The following DHX8 variants were observed in gnomAD, a reference collection of about 807,000 sequenced individuals.
DHX8 encodes ATP-dependent RNA helicase DHX8.
In DHX8, 67 loss-of-function variants were observed where a neutral mutation model predicts 140.7. The ratio of observed to expected loss-of-function variants is 0.48; its 90% confidence interval spans 0.39 to 0.58. The LOEUF (loss-of-function observed/expected upper bound fraction) is 0.58, where lower values mean the gene tolerates loss of function less well. Ranked by LOEUF, DHX8 falls within the 20% of genes least tolerant of loss-of-function variation. The pLI, the probability that DHX8 is intolerant of heterozygous loss-of-function variation, is 0.00. For synonymous variants in DHX8, 533 were observed against 553.2 expected (o/e 0.96, Z 0.51); for missense variants, 887 against 1,550.7 (o/e 0.57, Z 7.19).
intron 21 of DHX8, among the ~76,000 whole-genome samples, 161 bp from the exon 22 acceptor site, chr17:43,521,886 C>T (rs1970389779): frequency 6.6e-6 from 1 of 152,204 alleles, no homozygotes; most frequent in Non-Finnish European, 1.5e-5. Flanking sequence ...GTGCCTCCGT[C>T]TGCCCACTGT....
Position 43,542,467 on chromosome 17 carries a change from C to A in DHX8, c.*21-1695C>A, listed in dbSNP as rs60991298. 2.4e-3 allele frequency among the ~76,000 whole-genome samples: 372 copies of A among 152,218 alleles called. 1 individual carries two copies. The highest frequency in any genetic ancestry group is 8.6e-3 in the African/African-American group (359 of 41,520). On this transcript the variant is annotated intron_variant, in intron 3 of 3. Coordinates refer to the DHX8 transcript ENST00000589898. ...AACCTTGGACAAAAAACCAGCATATCTTTTACCATAGCCAGACACATATTG... is the reference window on the plus strand; with the variant it reads ...AACCTTGGACAAAAAACCAGCATATATTTTACCATAGCCAGACACATATTG...
At chr17:43,496,629 G>C (rs1038191818) in intron 9 of DHX8, among the ~76,000 whole-genome samples, 42 of 151,902 alleles carry the variant, frequency 2.8e-4, no homozygotes, top group Non-Finnish European at 1.5e-4. Context: ...AAAATACAAA[G>C]ATTAGCTGGG....
chr17:43,500,650 A>G (rs1277409449), intron 11 of DHX8, among the ~76,000 whole-genome samples: 2 of 151,756 alleles, frequency 1.3e-5, no homozygotes, highest in African/African-American at 4.8e-5. Flanking sequence ...GCGGTGTCTC[A>G]TGCTGTAATC....
chr17:43,497,404 A>G (rs1034420840), intron 9 of DHX8, among the ~76,000 whole-genome samples: 1 of 152,050 alleles, frequency 6.6e-6, no homozygotes, highest in African/African-American at 2.4e-5. Flanking sequence ...TGAAATTGCT[A>G]TATTGTCTCT....
intron 16 of DHX8, among the ~76,000 whole-genome samples, chr17:43,510,033 TTTTGTTTGTTTG>T (rs72490644): frequency 2.6e-5 from 4 of 151,226 alleles, no homozygotes; most frequent in Admixed American, 6.6e-5. Flanking sequence ...ATTTACTGTT[TTTTGTTTGTTTG>T]TTTGTTTGTT....
chr17:43,506,978 C>A, intron 12 of DHX8, 25 bp from the exon 13 acceptor site: 1 of 1,512,850 alleles, frequency 6.6e-7, no homozygotes, highest in South Asian at 1.3e-5. Flanking sequence ...TTTTAATGAC[C>A]ATATTTATAT....
At chr17:43,488,825 G>A (rs887763766) in intron 1 of DHX8, among the ~76,000 whole-genome samples, 1 of 152,180 alleles carries the variant, frequency 6.6e-6, no homozygotes, top group African/African-American at 2.4e-5. Flanking sequence ...TGCCCAGGTA[G>A]TGGTTTTGTG....
intron 1 of DHX8, among the ~76,000 whole-genome samples, chr17:43,486,736 G>A (rs1268685898): frequency 6.6e-6 from 1 of 151,954 alleles, no homozygotes; most frequent in South Asian, 2.1e-4. Flanking sequence ...AAATTAGCAG[G>A]GCGTGGTGGT....
intron 2 of DHX8, chr17:43,533,214 G>A (rs772708492): frequency 6.2e-7 from 1 of 1,614,050 alleles, no homozygotes; most frequent in Admixed American, 1.7e-5. Context: ...CCCATGGCCA[G>A]GGTGGGGCTG....
At position 43,493,685 on chromosome 17, in the gene DHX8, T is replaced by G. The variant is rs150414727; in HGVS notation, c.1011T>G (p.Asp337Glu). Reference protein sequence around the residue: ...TGTKTSLSMKDVDQETGEDLN... With the variant: ...TGTKTSLSMKEVDQETGEDLN... ...GCTCCCTTGTTTTTGTGCCTTAGGA[T>G]GTGGATCAAGAGACTGGAGAAGATC... The change falls in exon 8 of 23, where the codon GAT becomes GAG. Residue 337 changes from aspartate (D) to glutamate (E), a missense_variant and splice_region_variant. This residue lies in a region of DHX8 where 98 missense variants were observed against 152.7 expected (regional missense o/e 0.64). Transcript: ENST00000262415. 2 of 1,614,048 alleles carry G rather than the reference T, an allele frequency of 1.2e-6. No individual in the cohort carries two copies. The highest frequency in any genetic ancestry group is 1.7e-6 in the Non-Finnish European group (2 of 1,180,040).
At chr17:43,540,816 CAG>C (rs2154587239) in intron 3 of DHX8, among the ~76,000 whole-genome samples, 1 of 152,274 alleles carries the variant, frequency 6.6e-6, no homozygotes, top group East Asian at 1.9e-4. Flanking sequence ...GTGATGGGAG[CAG>C]AGTGACCAAC....
chr17:43,538,200 C>T (rs1480427115), intron 3 of DHX8, among the ~76,000 whole-genome samples: 6 of 150,900 alleles, frequency 4.0e-5, no homozygotes, highest in Non-Finnish European at 8.8e-5. Context: ...CCAACTATTC[C>T]GGAGGCTGAG....
At chr17:43,484,833 G>A (rs919932621) in intron 1 of DHX8, among the ~76,000 whole-genome samples, 8 of 152,002 alleles carry the variant, frequency 5.3e-5, no homozygotes, top group Admixed American at 3.9e-4. Context: ...GTAGAGACGG[G>A]GGTCTCACTG....
rs750394542 is a variant in DHX8, at chr17:43,484,143, A to C, written c.106A>C (p.Thr36Pro). 1 of 1,614,170 alleles carries C rather than the reference A, an allele frequency of 6.2e-7. No homozygotes were observed. The highest frequency in any genetic ancestry group is 8.5e-7 in the Non-Finnish European group (1 of 1,180,016). ...EYLSLVSKVC[T>P]ELDNHLGIND... ...CCTGTCTTTGGTGTCAAAGGTTTGC[A>C]CTGAGCTGGACAATCACTTGGGGAT... The change falls in exon 1 of 23, where the codon ACT (threonine) becomes CCT (proline). Residue 36 changes from threonine (T) to proline (P), a missense_variant. This residue lies in a region of DHX8 where 8 missense variants were observed against 26.2 expected (regional missense o/e 0.31). Transcript: ENST00000262415.
chr17:43,524,148 G>A lies in DHX8; in HGVS notation c.*301G>A. 1 of 1,235,232 alleles carries A rather than the reference G, an allele frequency of 8.1e-7. No homozygotes were observed. The highest frequency in any genetic ancestry group is 4.7e-5 in the East Asian group (1 of 21,466). 76.5% of individuals were successfully genotyped at this position (1,235,232 alleles called of 1,614,324 possible). A position where few individuals can be genotyped will look rare whatever the true frequency, so the allele number is the denominator to read the frequency against. On this transcript the variant is annotated 3_prime_UTR_variant, in exon 23 of 23. Transcript: ENST00000262415. ...GGACAATTTGTGCAGCTCCAGGATG[G>A]GAAGGTGGAGTGGGTGAGCATCTTG...
At chr17:43,537,406 G>T (rs115696102) in intron 3 of DHX8, among the ~76,000 whole-genome samples, 2,385 of 151,852 alleles carry the variant, frequency 0.016, 64 homozygotes, top group African/African-American at 0.053. Context: ...AATCACATAG[G>T]GGGGTGGCTG....
Position 43,524,926 on chromosome 17 carries a change from C to T in DHX8, c.*1079C>T. On this transcript the variant is annotated 3_prime_UTR_variant, in exon 23 of 23. Coordinates refer to ENST00000262415, the MANE Select transcript of DHX8 (RefSeq NM_004941.3). ...CACTTGCTTGGAGAATAGCCACCTC[C>T]TTGTGCCCTCCTCACAGCTCCTGAG... 2.0e-6 allele frequency: 2 copies of T among 985,030 alleles called. No individual in the cohort carries two copies. The highest frequency in any genetic ancestry group is 4.7e-5 in the South Asian group (1 of 21,270). 61.0% of individuals were successfully genotyped at this position (985,030 alleles called of 1,614,324 possible).
At chr17:43,496,032 A>G in intron 8 of DHX8, 149 bp from the exon 9 acceptor site, 1 of 603,668 alleles carries the variant, frequency 1.7e-6, no homozygotes, top group Non-Finnish European at 2.9e-6. Flanking sequence ...CAGGAGTTTG[A>G]GGTTGCAGTG....
chr17:43,534,949 A>G (rs1451671058), intron 2 of DHX8, among the ~76,000 whole-genome samples: 3 of 152,218 alleles, frequency 2.0e-5, no homozygotes, highest in African/African-American at 7.2e-5. Flanking sequence ...CTCTAAATAA[A>G]TAAATAAAAG....
Sources: gnomAD v4.1 joint callset for allele counts (sites outside exome capture counted in the v4.1 genomes callset) on GRCh38, gnomAD v4.1.1 for gene constraint, gnomAD v4.1.1 regional missense constraint, MANE v1.5 for transcripts, NCBI Gene and HGNC (gene_info 2026-07-23, HGNC 2026-07-21) for gene names.